Variants in RNF31 observed in about 807,000 individuals in gnomAD.
RNF31 encodes the protein ring finger protein 31.
Under a neutral mutation model 133.6 loss-of-function variants are expected in RNF31, and 38 were observed. The ratio of observed to expected loss-of-function variants is 0.28; its 90% CI spans 0.22 to 0.37. The LOEUF (loss-of-function observed/expected upper bound fraction) is 0.37, where lower values mean the gene tolerates loss of function less well. RNF31 is among the 10% of genes least tolerant of loss of function. The pLI, the probability that RNF31 is intolerant of heterozygous loss-of-function variation, is 1.00. For missense variants in RNF31, 1,118 were observed against 1,394.1 expected (o/e 0.80, Z 3.15); for synonymous variants, 582 against 552.3 (o/e 1.05, Z -0.75).
chr14:24,148,994 GCT>G (rs1475639492), intron 5 of RNF31, 118 bp downstream of exon 5: 33 of 991,462 alleles, frequency 3.3e-5, no homozygotes, highest in Non-Finnish European at 5.3e-5. Context: ...ACGGAGTTTT[GCT>G]CTTGTTGCCC....
intron 14 of RNF31, among the ~76,000 whole-genome samples, chr14:24,156,455 C>A (rs905433486): frequency 1.3e-5 from 2 of 152,152 alleles, no homozygotes; most frequent in African/African-American, 2.4e-5. Flanking sequence ...AGGCATGAGC[C>A]ACTATGCCCA....
intron 3 of RNF31, 42 bp downstream of exon 3, chr14:24,148,455 C>G (rs749152387): frequency 6.2e-7 from 1 of 1,613,320 alleles, no homozygotes; most frequent in South Asian, 1.1e-5. Flanking sequence ...TGCACCAGGG[C>G]TGGGGAGCCC....
rs768937891 is a variant in RNF31 at position 24,151,410 on chromosome 14, C to G, written c.1737+31C>G. On this transcript the variant is annotated intron_variant, in intron 9 of 20. Transcript: ENST00000324103. The surrounding 1 kb of genome is among the most constrained non-coding windows in gnomAD (Gnocchi z 5.3). ...AGCTGTGCTGGATATGGGATAGGGT[C>G]GAGAGTCTGCATCTCTCACACTCTC... The G allele has an allele frequency of 1.2e-6, 2 of 1,613,224 alleles. No homozygotes were observed. The highest frequency in any genetic ancestry group is 1.7e-5 in the Admixed American group (1 of 59,968).
chr14:24,148,144 G>A, intron 2 of RNF31, 22 bp downstream of exon 2: 4 of 1,613,994 alleles, frequency 2.5e-6, no homozygotes, highest in Non-Finnish European at 3.4e-6. Context: ...GGCCTTATGG[G>A]AGAGGGGGCT....
chr14:24,151,430 ACT>A lies in RNF31; in HGVS notation c.1738-51_1738-50del, dbSNP rs1566614016. On this transcript the variant is annotated intron_variant, in intron 9 of 20. Transcript: ENST00000324103. This position sits in a 1 kb window ranked among gnomAD's most constrained non-coding sequence, Gnocchi z 5.3. Reference sequence around the variant, plus strand: ...AGGGTCGAGAGTCTGCATCTCTCACACTCTCCCTTGCTTGCTTTCCCACTTCA... The same window carrying A: ...AGGGTCGAGAGTCTGCATCTCTCACACTCCCTTGCTTGCTTTCCCACTTCA... 3 of 1,612,306 alleles carry A rather than the reference ACT, an allele frequency of 1.9e-6. No individual in the cohort carries two copies. Among genetic ancestry groups the A allele is most frequent in the Non-Finnish European group, 1.7e-6 (2 of 1,178,938 alleles).
At chr14:24,148,917 A>G (rs373556310) in intron 5 of RNF31, 41 bp downstream of exon 5, 12 of 1,518,914 alleles carry the variant, frequency 7.9e-6, no homozygotes, top group Non-Finnish European at 1.1e-5. Context: ...AGGAAGCTAT[A>G]TTGATGGAAA....
At chr14:24,158,904 G>A (rs1178952558) in intron 18 of RNF31, among the ~76,000 whole-genome samples, 2 of 151,654 alleles carry the variant, frequency 1.3e-5, no homozygotes, top group African/African-American at 2.4e-5. Context: ...GTGGTGGCGG[G>A]CGCCTGTAGT....
chr14:24,158,897 G>A (rs931500768), intron 18 of RNF31, among the ~76,000 whole-genome samples: 6 of 151,786 alleles, frequency 4.0e-5, no homozygotes, highest in South Asian at 2.1e-4. Context: ...GCCGGGCGTG[G>A]TGGCGGGCGC....
Position 24,160,502 on chromosome 14 carries a change from TTC to T in RNF31, c.3166-11_3166-10del, listed in dbSNP as rs1300455135. ...GCTCCAGGCTTCCAATATCATTACC[TTC>T]TCTCTCCTTCTGCAGAAGCTGACAG... is the stretch of plus-strand genomic sequence containing the variant. On this transcript the variant is annotated splice_polypyrimidine_tract_variant and intron_variant, in intron 20 of 20. Coordinates refer to ENST00000324103, the MANE Select transcript of RNF31 (RefSeq NM_017999.5). This position sits in a 1 kb window ranked among gnomAD's most constrained non-coding sequence, Gnocchi z 4.0. 1 of 1,556,330 alleles carries T rather than the reference TTC, an allele frequency of 6.4e-7. No individual in the cohort carries two copies. The highest frequency in any genetic ancestry group is 8.7e-7 in the Non-Finnish European group (1 of 1,147,536).
At position 24,151,534 on chromosome 14, in the gene RNF31, A is replaced by G; in HGVS notation, c.1787A>G (p.Gln596Arg). Residue 596 changes from glutamine to arginine, a missense_variant, in exon 10 of 21, where the codon CAG becomes CGG. Physicochemically the swap from Gln to Arg is conservative, Grantham distance 43. Around this residue, in one of 3 missense-constraint regions of RNF31, gnomAD observed 747 missense variants for 827.9 expected, o/e 0.90. Coordinates refer to ENST00000324103, the MANE Select transcript of RNF31 (RefSeq NM_017999.5). The surrounding 1 kb of genome is among the most constrained non-coding windows in gnomAD (Gnocchi z 5.3). ...TTTGGGCCTGAGGAGGGGTCTCTCC[A>G]GGCATTGTTCCAGCACGGAGGTGAT... Reference protein sequence around the residue: ...LGFGPEEGSLQALFQHGGDVS... With the variant: ...LGFGPEEGSLRALFQHGGDVS... The G allele has an allele frequency of 1.2e-6, 2 of 1,614,174 alleles. No individual in the cohort carries two copies. The highest frequency in any genetic ancestry group is 2.2e-5 in the South Asian group (2 of 91,086).
rs1164197062 is a variant in RNF31 at position 24,149,599 on chromosome 14, T to C, written c.809+16T>C. The stretch of plus-strand genomic sequence containing the variant: ...TGAGCCCCAGGTGAGAGGGCTTCTC[T>C]TCTGGGTGGGAGTGAAATTTAGAGA... On this transcript the variant is annotated intron_variant, in intron 6 of 20. Coordinates refer to ENST00000324103, the MANE Select transcript of RNF31 (RefSeq NM_017999.5). 1 of 1,605,288 alleles carries C rather than the reference T, an allele frequency of 6.2e-7. No individual in the cohort carries two copies. The highest frequency in any genetic ancestry group is 8.5e-7 in the Non-Finnish European group (1 of 1,175,336).
Position 24,150,886 on chromosome 14 carries a change from C to T in RNF31, c.1486C>T (p.Arg496Trp), listed in dbSNP as rs775020343. 3.5e-5 allele frequency: 55 copies of T among 1,550,140 alleles called. No homozygotes were observed. Among genetic ancestry groups the T allele is most frequent in the African/African-American group, 5.5e-5 (4 of 73,014 alleles). ...AGGCCTCCAGCTAGTGAGCATGATC[C>T]GGGTAAGGACTGGGCCTGCGATGAG... is the stretch of plus-strand genomic sequence containing the variant. ...EEGLQLVSMI[R>W]EGEAAGACPE... is the part of the protein sequence containing the mutation. The change falls in exon 8 of 21, where the codon CGG becomes TGG. Residue 496 changes from arginine (R) to tryptophan (W), a missense_variant and splice_region_variant. Transcript: ENST00000324103.
In RNF31 at chr14:24,148,345, G is replaced by A. The variant is rs754075180; in HGVS notation, c.427G>A (p.Glu143Lys). 6.2e-6 allele frequency: 10 copies of A among 1,614,084 alleles called. No homozygotes were observed. The highest frequency in any genetic ancestry group is 5.0e-5 in the Admixed American group (3 of 60,006). The change falls in exon 3 of 21, where the codon GAG (glutamate) becomes AAG (lysine). Residue 143 changes from glutamate to lysine, a missense_variant. This residue lies in a region of RNF31 where 747 missense variants were observed against 827.9 expected (regional missense o/e 0.90). Coordinates refer to ENST00000324103, the MANE Select transcript of RNF31 (RefSeq NM_017999.5). ...SFPEGQEEPD[E>K]HQVATVTLEV... ...CCCCGAAGGGCAGGAGGAGCCAGAT[G>A]AGCACCAGGTTGCTACAGTCACACT...
At position 24,151,303 on chromosome 14, in the gene RNF31, C is replaced by T. The variant is rs759771762; in HGVS notation, c.1661C>T (p.Ala554Val). Residue 554 changes from alanine to valine, a missense_variant, in exon 9 of 21, where the codon GCC becomes GTC. This residue lies in a region of RNF31 where 747 missense variants were observed against 827.9 expected (regional missense o/e 0.90). Coordinates refer to ENST00000324103, the MANE Select transcript of RNF31 (RefSeq NM_017999.5). The surrounding 1 kb of genome is among the most constrained non-coding windows in gnomAD (Gnocchi z 5.3). ...PGLGAFSCQE[A>V]RRAWLDRHGN... ...CTGGGTGCCTTTTCCTGTCAGGAGG[C>T]CCGGAGAGCCTGGCTGGATCGTCAT... is the stretch of plus-strand genomic sequence containing the variant. 6.2e-6 allele frequency: 10 copies of T among 1,614,084 alleles called. No individual in the cohort carries two copies. Among genetic ancestry groups the T allele is most frequent in the Non-Finnish European group, 7.6e-6 (9 of 1,180,042 alleles).
In RNF31 at chr14:24,151,882, G is replaced by A; in HGVS notation, c.2020G>A (p.Glu674Lys). 6.2e-7 allele frequency: 1 copy of A among 1,614,192 alleles called. No homozygotes were observed. The highest frequency in any genetic ancestry group is 1.1e-5 in the South Asian group (1 of 91,086). ...SLLQETPRNY[E>K]LGDVVEAVRH... is the part of the protein sequence containing the mutation. Reference sequence around the variant, plus strand: ...GCTGCAGGAGACACCCAGGAACTATGAGTTGGGGGATGTGGTAGAAGCTGT... The same window carrying A: ...GCTGCAGGAGACACCCAGGAACTATAAGTTGGGGGATGTGGTAGAAGCTGT... The change falls in exon 11 of 21, where the codon GAG (glutamate) becomes AAG (lysine). Residue 674 changes from glutamate (E) to lysine (K), a missense_variant. Coordinates refer to ENST00000324103, the MANE Select transcript of RNF31 (RefSeq NM_017999.5). The surrounding 1 kb of genome is among the most constrained non-coding windows in gnomAD (Gnocchi z 5.3).
intron 18 of RNF31, chr14:24,158,849 C>CA (rs2038387424): frequency 6.6e-6 from 1 of 150,450 alleles, no homozygotes; most frequent in African/African-American, 2.5e-5. Flanking sequence ...CTGGCTAACA[C>CA]GGTGAAACCC....
At chr14:24,154,431 G>T (rs1161745393) in intron 11 of RNF31, among the ~76,000 whole-genome samples, 1 of 152,060 alleles carries the variant, frequency 6.6e-6, no homozygotes, top group Admixed American at 6.6e-5. Context: ...CATAAGCCAT[G>T]GTGCCTGGCC....
rs749999163 is a variant in RNF31 at position 24,148,089 on chromosome 14, C to T, written c.306C>T (p.Asn102=). 6 of 1,614,112 alleles carry T rather than the reference C, an allele frequency of 3.7e-6. No homozygotes were observed. In the South Asian group the frequency reaches 5.5e-5, roughly 15 times the overall value. The change falls in exon 2 of 21, where the codon AAC becomes AAT. Residue 102 remains asparagine, a synonymous_variant. Transcript: ENST00000324103. The part of the protein sequence containing the change: ...PRYWRGVKFN[N]PVFRSTVDAV... ...ACTGGCGTGGTGTCAAGTTTAATAACCCTGTCTTTCGCAGCACGGTGGATG... is the reference window on the plus strand; with the variant it reads ...ACTGGCGTGGTGTCAAGTTTAATAATCCTGTCTTTCGCAGCACGGTGGATG...
rs374357996 is a variant in RNF31, at chr14:24,151,470, A to C, written c.1738-15A>C. Reference sequence around the variant, plus strand: ...CTTTCCCACTTCATTCCCCCTTGCCACTCCCATCTTGCAGGTGCAGGAGCT... The same window carrying C: ...CTTTCCCACTTCATTCCCCCTTGCCCCTCCCATCTTGCAGGTGCAGGAGCT... On this transcript the variant is annotated splice_polypyrimidine_tract_variant and intron_variant, in intron 9 of 20. Coordinates refer to ENST00000324103, the MANE Select transcript of RNF31 (RefSeq NM_017999.5). The surrounding 1 kb of genome is among the most constrained non-coding windows in gnomAD (Gnocchi z 5.3). The C allele has an allele frequency of 6.2e-7, 1 of 1,613,414 alleles. No homozygotes were observed. Among genetic ancestry groups the C allele is most frequent in the African/African-American group, 1.3e-5 (1 of 74,898 alleles).
Sources: allele counts gnomAD v4.1 joint callset (sites outside exome capture counted in the v4.1 genomes callset), GRCh38; gene constraint gnomAD v4.1.1; regional missense constraint gnomAD v4.1.1; non-coding constraint Gnocchi (gnomAD v3.1); transcripts MANE v1.5; gene names NCBI Gene and HGNC (gene_info 2026-07-23, HGNC 2026-07-21).